The following CNTNAP2 variants were observed in gnomAD, a reference collection of about 807,000 sequenced individuals.
CNTNAP2 encodes the protein contactin associated protein 2.
CNTNAP2 carries 98 observed loss-of-function variants against 155.2 expected under a neutral mutation model. The ratio of observed to expected loss-of-function variants is 0.63; its 90% CI spans 0.54 to 0.75. CNTNAP2 has a LOEUF of 0.75. Among genes scored for constraint, CNTNAP2 ranks in the 30% least tolerant of loss-of-function variants. The pLI, the probability that CNTNAP2 is intolerant of heterozygous loss-of-function variation, is 0.00. For synonymous variants in CNTNAP2, 651 were observed against 631.2 expected, an observed-to-expected ratio of 1.03 and a Z score of -0.47; for missense variants, 1,727 against 1,688.1, an observed-to-expected ratio of 1.02 and a Z score of -0.40.
At chr7:146,735,141 A>C (rs1483159402) in intron 1 of CNTNAP2, among the ~76,000 whole-genome samples, 1 of 152,222 alleles carries the variant, frequency 6.6e-6, no homozygotes, top group East Asian at 1.9e-4. Flanking sequence ...TACAGAAAGC[A>C]TACATCTTTT....
intron 9 of CNTNAP2, among the ~76,000 whole-genome samples, chr7:147,330,053 A>G (rs1795529936): frequency 6.6e-6 from 1 of 152,102 alleles, no homozygotes; most frequent in Non-Finnish European, 1.5e-5. Context: ...TCTTTTGATC[A>G]CATCCAACTT....
chr7:146,640,889 T>A (rs1303569385), intron 1 of CNTNAP2, among the ~76,000 whole-genome samples: 1 of 152,166 alleles, frequency 6.6e-6, no homozygotes, highest in Non-Finnish European at 1.5e-5. Context: ...GTGGAAAGAA[T>A]AATAAACAAA....
In CNTNAP2 at chr7:146,638,476, C is replaced by CTTTTTTTTTTTTTTT. The variant is rs879600389; in HGVS notation, c.98-135787_98-135773dup. ...AACAGTTTAATACAGTCAGGTGTTT[C>CTTTTTTTTTTTTTTT]TTTTTTTTTTTTTTTTTTTTTTCTT... On this transcript the variant is annotated intron_variant, in intron 1 of 23. Coordinates refer to ENST00000361727, the MANE Select transcript of CNTNAP2 (RefSeq NM_014141.6). 1.5e-3 allele frequency among the ~76,000 whole-genome samples: 97 copies of CTTTTTTTTTTTTTTT among 64,352 alleles called. 4 individuals are homozygous for CTTTTTTTTTTTTTTT. The highest frequency in any genetic ancestry group is 4.8e-3 in the East Asian group (9 of 1,886). The allele number at this position is 64,352 out of a possible 152,430, so 42.2% of individuals were successfully genotyped here.
intron 8 of CNTNAP2, among the ~76,000 whole-genome samples, chr7:147,149,107 G>C (rs1801774633): frequency 6.6e-6 from 1 of 152,218 alleles, no homozygotes; most frequent in Non-Finnish European, 1.5e-5. Context: ...CACACATCCT[G>C]CTGATTAGTC....
At chr7:147,427,681 T>C (rs1020886222) in intron 10 of CNTNAP2, among the ~76,000 whole-genome samples, 24 of 152,120 alleles carry the variant, frequency 1.6e-4, no homozygotes, top group African/African-American at 4.6e-4. Context: ...ATGAAGTACA[T>C]GAAGAGAAGT....
chr7:146,535,390 GAT>G (rs1488501697), intron 1 of CNTNAP2, among the ~76,000 whole-genome samples: 8 of 45,000 alleles, frequency 1.8e-4, no homozygotes, highest in African/African-American at 2.9e-4. Context: ...TATAATATAT[GAT>G]ATATATATTA....
rs183723397 is a variant in CNTNAP2, at chr7:147,213,516, C to T, written c.1348+81007C>T. On this transcript the variant is annotated intron_variant, in intron 8 of 23. Transcript: ENST00000361727. The stretch of plus-strand genomic sequence containing the variant: ...AGATATCCACAATGCATTTTTCTCA[C>T]AAATGCCCTTTTTCCTGTAAATTGT... Among the ~76,000 whole-genome samples, 235 of 151,986 alleles carry T rather than the reference C, an allele frequency of 1.5e-3. 1 individual carries two copies. Among genetic ancestry groups the T allele is most frequent in the African/African-American group, 5.4e-3 (224 of 41,448 alleles).
intron 13 of CNTNAP2, among the ~76,000 whole-genome samples, chr7:147,828,671 C>T (rs943963809): frequency 6.6e-6 from 1 of 152,186 alleles, no homozygotes; most frequent in African/African-American, 2.4e-5. Context: ...TGCTACACCA[C>T]TCAGGGAAGC....
chr7:146,733,025 T>G (rs1324148287), intron 1 of CNTNAP2, among the ~76,000 whole-genome samples: 1 of 152,104 alleles, frequency 6.6e-6, no homozygotes, highest in East Asian at 1.9e-4. Flanking sequence ...GTTGATATTC[T>G]AATCATAAAA....
At chr7:147,568,787 G>T (rs1800225838) in intron 12 of CNTNAP2, among the ~76,000 whole-genome samples, 1 of 151,954 alleles carries the variant, frequency 6.6e-6, no homozygotes, top group Non-Finnish European at 1.5e-5. Context: ...TATTTAAAAG[G>T]TTCTTTCTGC....
At chr7:146,445,845 T>G (rs1192962435) in intron 1 of CNTNAP2, among the ~76,000 whole-genome samples, 1 of 152,164 alleles carries the variant, frequency 6.6e-6, no homozygotes, top group African/African-American at 2.4e-5. Flanking sequence ...CTAGGTTAAC[T>G]TGAAATTCTA....
chr7:146,779,366 T>C (rs935340287), intron 2 of CNTNAP2, among the ~76,000 whole-genome samples: 2 of 152,230 alleles, frequency 1.3e-5, no homozygotes, highest in African/African-American at 4.8e-5. Flanking sequence ...GGTTCTAAAG[T>C]AGCATAGCTA....
At chr7:147,772,446 CTATATATATATATATATATATA>C (rs58027241) in intron 13 of CNTNAP2, among the ~76,000 whole-genome samples, 18 of 63,732 alleles carry the variant, frequency 2.8e-4, no homozygotes, top group South Asian at 1.1e-3. Flanking sequence ...CTCTCTCTCG[CTATATATATATATATATATATA>C]TATATATATA....
chr7:147,067,451 G>T (rs559828329), intron 4 of CNTNAP2, among the ~76,000 whole-genome samples: 8 of 152,190 alleles, frequency 5.3e-5, no homozygotes, highest in African/African-American at 1.9e-4. Flanking sequence ...GGCAATGAGG[G>T]ATTAGATCTA....
chr7:147,808,129 T>TAA (rs1258553948), intron 13 of CNTNAP2, among the ~76,000 whole-genome samples: 1 of 152,118 alleles, frequency 6.6e-6, no homozygotes, highest in Non-Finnish European at 1.5e-5. Flanking sequence ...CTATATATAC[T>TAA]ATATATATGA....
chr7:147,127,521 T>C (rs2129284173), intron 6 of CNTNAP2, among the ~76,000 whole-genome samples: 1 of 152,260 alleles, frequency 6.6e-6, no homozygotes, highest in East Asian at 1.9e-4. Flanking sequence ...ATTTGACTTA[T>C]GCTTCAAATA....
intron 11 of CNTNAP2, among the ~76,000 whole-genome samples, chr7:147,530,542 A>G (rs1285479496): frequency 6.6e-6 from 1 of 152,156 alleles, no homozygotes; most frequent in Non-Finnish European, 1.5e-5. Flanking sequence ...AGAAACCCCT[A>G]ATAGACCCAT....
chr7:146,822,585 T>C (rs1585107498), intron 2 of CNTNAP2, among the ~76,000 whole-genome samples: 1 of 150,744 alleles, frequency 6.6e-6, no homozygotes, highest in Admixed American at 6.6e-5. Context: ...TATTTTCTAA[T>C]GAGACCTTTT....
intron 3 of CNTNAP2, among the ~76,000 whole-genome samples, chr7:146,908,438 T>A (rs1406503134): frequency 1.4e-5 from 2 of 142,770 alleles, no homozygotes; most frequent in Non-Finnish European, 3.1e-5. Flanking sequence ...GAACAGAAAT[T>A]ATAACAAACT....
Sources: allele counts gnomAD v4.1 joint callset (sites outside exome capture counted in the v4.1 genomes callset), GRCh38; gene constraint gnomAD v4.1.1; transcripts MANE v1.5; gene names NCBI Gene and HGNC (gene_info 2026-07-23, HGNC 2026-07-21).